The following ABCA13 variants were observed in gnomAD, a reference collection of about 807,000 sequenced individuals.
ABCA13 encodes ATP-binding cassette sub-family A member 13.
In ABCA13, 476 loss-of-function variants were observed where a neutral mutation model predicts 478.7. The ratio of observed to expected loss-of-function variants is 0.99; its 90% CI spans 0.92 to 1.07. The LOEUF (loss-of-function observed/expected upper bound fraction) is 1.07, where lower values mean the gene tolerates loss of function less well. Among genes scored for constraint, ABCA13 ranks in the 50% least tolerant of loss-of-function variants. The pLI is 0.00. For missense variants in ABCA13, 6,060 were observed against 5,910.6 expected, an observed-to-expected ratio of 1.03 and a Z score of -0.83; for synonymous variants, 2,252 against 2,158.9, an observed-to-expected ratio of 1.04 and a Z score of -1.20.
intron 47 of ABCA13, among the ~76,000 whole-genome samples, chr7:48,486,527 C>CT (rs148426311): frequency 0.14 from 20,884 of 152,174 alleles, 1,828 homozygotes; most frequent in African/African-American, 0.23. Flanking sequence ...CCAGGCTTCT[C>CT]AATTGTCTCT....
intron 59 of ABCA13, among the ~76,000 whole-genome samples, chr7:48,627,600 T>C (rs1793783026): frequency 6.6e-6 from 1 of 152,222 alleles, no homozygotes; most frequent in Non-Finnish European, 1.5e-5. Flanking sequence ...TTTATAGTAT[T>C]TTGAAAAGAA....
At chr7:48,574,469 G>A (rs889930038) in intron 55 of ABCA13, among the ~76,000 whole-genome samples, 3 of 152,060 alleles carry the variant, frequency 2.0e-5, no homozygotes, top group African/African-American at 7.2e-5. Flanking sequence ...GATAGGTTTA[G>A]TTACTTTTTA....
chr7:48,483,716 C>A (rs1206415298), intron 47 of ABCA13, among the ~76,000 whole-genome samples: 1 of 152,156 alleles, frequency 6.6e-6, no homozygotes. Flanking sequence ...AGGAAAGATG[C>A]CTTGATCCAT....
At chr7:48,524,508 T>C in intron 54 of ABCA13, 68 bp downstream of exon 54, 1 of 1,379,224 alleles carries the variant, frequency 7.3e-7, no homozygotes, top group South Asian at 1.4e-5. Flanking sequence ...CTGATCTGCT[T>C]GTGTTAGTCT....
chr7:48,506,193 T>C (rs12669930), intron 48 of ABCA13, 143 bp from the exon 49 acceptor site: 76,326 of 790,310 alleles, frequency 0.097, 4,874 homozygotes, highest in African/African-American at 0.23. Context: ...ATTTGCCATT[T>C]TTTTCTGCTA....
chr7:48,252,601 C>T (rs1028539283), intron 15 of ABCA13, among the ~76,000 whole-genome samples: 5 of 152,064 alleles, frequency 3.3e-5, no homozygotes, highest in South Asian at 2.1e-4. Context: ...TAAAAATATA[C>T]GATTATAATC....
At chr7:48,557,011 C>T (rs1785902866) in intron 55 of ABCA13, among the ~76,000 whole-genome samples, 1 of 151,958 alleles carries the variant, frequency 6.6e-6, no homozygotes, top group Non-Finnish European at 1.5e-5. Context: ...TTGTATAACC[C>T]ACTATTTTAA....
intron 37 of ABCA13, 63 bp from the exon 38 acceptor site, chr7:48,391,858 G>A (rs772880303): frequency 5.0e-5 from 75 of 1,489,678 alleles, no homozygotes; most frequent in Non-Finnish European, 6.4e-5. Flanking sequence ...GAGCTGACTG[G>A]ATTGCTGACG....
Position 48,352,320 on chromosome 7 carries a change from G to T in ABCA13, c.10521G>T (p.Lys3507Asn), listed in dbSNP as rs781626334. 16 of 1,613,784 alleles carry T rather than the reference G, an allele frequency of 9.9e-6. No homozygotes were observed. The Admixed American group carries it at 2.3e-4, about 24-fold the overall frequency. Residue 3507 changes from lysine (K) to asparagine (N), a missense_variant, in exon 31 of 62, where the codon AAG becomes AAT. Lys to Asn is a moderately conservative substitution (Grantham distance 94, BLOSUM62 0). Around this residue, in one of 3 missense-constraint regions of ABCA13, gnomAD observed 4,423 missense variants for 4,309.1 expected, o/e 1.03. Coordinates refer to ENST00000435803, the MANE Select transcript of ABCA13 (RefSeq NM_152701.5). ...ATGTGGTAAAAAACCCTTCTTGGAAGTTCCACCCTCAGAATCTACCAGCTG... is the reference window on the plus strand; with the variant it reads ...ATGTGGTAAAAAACCCTTCTTGGAATTTCCACCCTCAGAATCTACCAGCTG... ...RTDVVKNPSWKFHPQNLPADG... is the reference protein window; with the variant it reads ...RTDVVKNPSWNFHPQNLPADG...
At chr7:48,524,166 A>G (rs1239503527) in intron 53 of ABCA13, 82 bp from the exon 54 acceptor site, 3 of 1,343,072 alleles carry the variant, frequency 2.2e-6, no homozygotes, top group Admixed American at 2.7e-5. Context: ...AATTTTTTAC[A>G]AATCTCTGAC....
intron 38 of ABCA13, among the ~76,000 whole-genome samples, chr7:48,396,786 G>C (rs936753244): frequency 2.0e-5 from 3 of 152,188 alleles, no homozygotes; most frequent in Admixed American, 6.5e-5. Flanking sequence ...GGCAGGGCAG[G>C]TGTGTCACTA....
chr7:48,624,391 T>C (rs1195711944), intron 59 of ABCA13, among the ~76,000 whole-genome samples: 1 of 152,104 alleles, frequency 6.6e-6, no homozygotes, highest in African/African-American at 2.4e-5. Flanking sequence ...ATAGGAGGCT[T>C]AAGTCTGACT....
At position 48,295,869 on chromosome 7, in the gene ABCA13, C is replaced by T; in HGVS notation, c.9119+6C>T. On this transcript the variant is annotated splice_donor_region_variant and intron_variant, in intron 21 of 61. Transcript: ENST00000435803. The stretch of plus-strand genomic sequence containing the variant: ...GTGCAGCAGCACTTGTACATGTATG[C>T]TCTGATATTCTTTCATGCCCTCCCC... The T allele has an allele frequency of 6.3e-7, 1 of 1,593,536 alleles. No individual in the cohort carries two copies. Among genetic ancestry groups the T allele is most frequent in the Non-Finnish European group, 8.6e-7 (1 of 1,168,988 alleles).
At chr7:48,172,797 C>CAAAAAAAAA (rs36196847) in intron 1 of ABCA13, among the ~76,000 whole-genome samples, 1 of 75,512 alleles carries the variant, frequency 1.3e-5, no homozygotes, top group African/African-American at 5.4e-5. Flanking sequence ...GACTCCGTCT[C>CAAAAAAAAA]AAAAAAAAAA....
chr7:48,249,380 G>T, intron 15 of ABCA13, 29 bp downstream of exon 15: 1 of 1,608,940 alleles, frequency 6.2e-7, no homozygotes, highest in Non-Finnish European at 8.5e-7. Flanking sequence ...CTACAGGAAT[G>T]GGGGATGCTT....
chr7:48,410,382 C>G, intron 39 of ABCA13, 138 bp from the exon 40 acceptor site: 1 of 1,051,054 alleles, frequency 9.5e-7, no homozygotes, highest in Non-Finnish European at 1.4e-6. Flanking sequence ...GGCCAGGACG[C>G]ATTTCAATTT....
intron 42 of ABCA13, among the ~76,000 whole-genome samples, chr7:48,428,592 T>A (rs1353155318): frequency 6.6e-6 from 1 of 152,230 alleles, no homozygotes; most frequent in Non-Finnish European, 1.5e-5. Context: ...CCTTTTATGA[T>A]GTTTCCCAAA....
chr7:48,605,343 G>A (rs892842692), intron 58 of ABCA13, among the ~76,000 whole-genome samples: 1 of 152,154 alleles, frequency 6.6e-6, no homozygotes, highest in South Asian at 2.1e-4. Context: ...TTACAATTTG[G>A]TATGTTTTTG....
At chr7:48,189,833 T>C (rs1796859301) in intron 1 of ABCA13, among the ~76,000 whole-genome samples, 1 of 152,144 alleles carries the variant, frequency 6.6e-6, no homozygotes, top group African/African-American at 2.4e-5. Flanking sequence ...AATACAAAGT[T>C]GGAGAAAGTA....
Sources: gnomAD v4.1 joint callset for allele counts (sites outside exome capture counted in the v4.1 genomes callset) on GRCh38, gnomAD v4.1.1 for gene constraint, gnomAD v4.1.1 regional missense constraint, MANE v1.5 for transcripts, NCBI Gene and HGNC (gene_info 2026-07-23, HGNC 2026-07-21) for gene names.